CLEC4D: variants seen among roughly 807,000 people sequenced by gnomAD.
The protein encoded by CLEC4D is C-type lectin domain family 4 member D, also known as C-type (calcium dependent, carbohydrate-recognition domain) lectin, superfamily member 8.
In CLEC4D, 21 loss-of-function variants were observed where a neutral mutation model predicts 21.1. The observed-to-expected ratio is 1.00, with a 90% CI of 0.71 to 1.43. The LOEUF (loss-of-function observed/expected upper bound fraction) is 1.43. Ranked by LOEUF, CLEC4D falls within the 40% of genes most tolerant of loss-of-function variation. The pLI, the probability that CLEC4D is intolerant of heterozygous loss-of-function variation, is 0.00. For synonymous variants in CLEC4D, 85 were observed against 83.1 expected (o/e 1.02, Z -0.12); for missense variants, 289 against 260.7 (o/e 1.11, Z -0.75).
rs1215694947 is a variant in CLEC4D, at chr12:8,521,926, A to G, written c.*655A>G. On this transcript the variant is annotated 3_prime_UTR_variant, in exon 6 of 6. Coordinates refer to ENST00000299665, the MANE Select transcript of CLEC4D (RefSeq NM_080387.5). The stretch of plus-strand genomic sequence containing the variant: ...TTGCAAAGCAAGAAGTCTTTGTAAG[A>G]CACCTTAAACAAAGTCCTTCAATTC... 1 of 152,176 alleles carries G rather than the reference A, an allele frequency of 6.6e-6. No homozygotes were observed. The highest frequency in any genetic ancestry group is 2.4e-5 in the African/African-American group (1 of 41,442). 9.4% of individuals were successfully genotyped at this position (152,176 alleles called of 1,614,324 possible).
intron 2 of CLEC4D, 68 bp from the exon 3 acceptor site, chr12:8,518,096 T>C: frequency 1.5e-6 from 1 of 688,306 alleles, no homozygotes; most frequent in Admixed American, 2.6e-5. Flanking sequence ...TTTAGGAAGG[T>C]CAGCCCCTAT....
In CLEC4D at chr12:8,521,359, A is replaced by T. The variant is rs1372915715; in HGVS notation, c.*88A>T. 7 of 1,514,128 alleles carry T rather than the reference A, an allele frequency of 4.6e-6. No individual in the cohort carries two copies. In the East Asian group the frequency reaches 1.6e-4, roughly 34 times the overall value. The allele number at this position is 1,514,128 out of a possible 1,614,324, so 93.8% of individuals were successfully genotyped here. ...ATGTACGTGCGTCATTGGAACACAG[A>T]AAACATGCTGGTTCATACAGCGTTT... is the stretch of plus-strand genomic sequence containing the variant. On this transcript the variant is annotated 3_prime_UTR_variant, in exon 6 of 6. Coordinates refer to ENST00000299665, the MANE Select transcript of CLEC4D (RefSeq NM_080387.5).
At chr12:8,524,037 C>A (rs1230798299), downstream of CLEC4D, among the ~76,000 whole-genome samples, 1 of 152,140 alleles carries the variant, frequency 6.6e-6, no homozygotes, top group Non-Finnish European at 1.5e-5. Context: ...CCTTGCATCC[C>A]AGGGATGAAG....
the CLEC4D span, among the ~76,000 whole-genome samples, chr12:8,527,618 G>A: frequency 1.3e-5 from 2 of 152,216 alleles, no homozygotes; most frequent in Non-Finnish European, 2.9e-5. Context: ...AGCTTTGCAT[G>A]TTAAGCAGCT....
At chr12:8,524,459 T>A (rs1046090071), downstream of CLEC4D, among the ~76,000 whole-genome samples, 17 of 152,202 alleles carry the variant, frequency 1.1e-4, no homozygotes, top group Admixed American at 1.3e-4. Context: ...ATTTATCCAT[T>A]TCTTGTAGAT....
intron 4 of CLEC4D, 115 bp downstream of exon 4, chr12:8,519,275 GA>G: frequency 7.2e-7 from 1 of 1,381,654 alleles, no homozygotes; most frequent in Non-Finnish European, 9.4e-7. Flanking sequence ...CATCTGCCTG[GA>G]AAGCCCTTTC....
chr12:8,527,189 AG>A (rs1411098490), downstream of CLEC4D, among the ~76,000 whole-genome samples: 1 of 152,170 alleles, frequency 6.6e-6, no homozygotes, highest in Non-Finnish European at 1.5e-5. Flanking sequence ...CACAGGGAGT[AG>A]GACCTGATTA....
At chr12:8,520,171 A>G (rs1940439586) in intron 4 of CLEC4D, 55 bp from the exon 5 acceptor site, 1 of 1,594,194 alleles carries the variant, frequency 6.3e-7, no homozygotes, top group African/African-American at 1.3e-5. Flanking sequence ...TTTTTCCAAC[A>G]TCATAGCCAT....
At position 8,519,031 on chromosome 12, in the gene CLEC4D, TA is replaced by T; in HGVS notation, c.256del (p.Ile86LeufsTer34). 2 of 1,614,124 alleles carry T rather than the reference TA, an allele frequency of 1.2e-6. No homozygotes were observed. Among genetic ancestry groups the T allele is most frequent in the Non-Finnish European group, 1.7e-6 (2 of 1,179,996 alleles). The stretch of plus-strand genomic sequence containing the variant: ...GAGGGAGCACCTGGAACTGTTGTCC[TA>T]TTGACTGGAGAGCCTTCCAGTCCAA... ...AEGSTWNCCP[I>X]DWRAFQSNCY... On this transcript the variant is annotated frameshift_variant, in exon 4 of 6. Coordinates refer to ENST00000299665, the MANE Select transcript of CLEC4D (RefSeq NM_080387.5). LOFTEE classifies it high-confidence loss of function.
At chr12:8,520,490 T>C in intron 5 of CLEC4D, 149 bp downstream of exon 5, 9 of 1,335,292 alleles carry the variant, frequency 6.7e-6, no homozygotes, top group Non-Finnish European at 8.7e-6. Context: ...TATGTCCCAG[T>C]TCCAGAATGG....
intron 1 of CLEC4D, among the ~76,000 whole-genome samples, 196 bp from the exon 2 acceptor site, chr12:8,515,040 A>C (rs1179104800): frequency 6.6e-6 from 1 of 152,120 alleles, no homozygotes; most frequent in Non-Finnish European, 1.5e-5. Flanking sequence ...ATTACCAAGA[A>C]ATTTTACATT....
At chr12:8,519,774 T>C (rs1940433779) in intron 4 of CLEC4D, among the ~76,000 whole-genome samples, 2 of 152,376 alleles carry the variant, frequency 1.3e-5, no homozygotes, top group South Asian at 4.1e-4. Context: ...TTTCCATTTA[T>C]GTACCATGAC....
At chr12:8,515,458 G>T in intron 2 of CLEC4D, 130 bp downstream of exon 2, 1 of 570,480 alleles carries the variant, frequency 1.8e-6, no homozygotes, top group Non-Finnish European at 3.2e-6. Context: ...TCAGGGTCTT[G>T]CACTGAATAT....
rs749793310 is a variant in CLEC4D, at chr12:8,514,359, A to G, written c.28+599A>G. 8.1e-4 allele frequency among the ~76,000 whole-genome samples: 123 copies of G among 152,250 alleles called. 1 individual carries two copies. The highest frequency in any genetic ancestry group is 1.6e-3 in the Non-Finnish European group (107 of 67,956). On this transcript the variant is annotated intron_variant, in intron 1 of 5. Coordinates refer to ENST00000299665, the MANE Select transcript of CLEC4D (RefSeq NM_080387.5). The stretch of plus-strand genomic sequence containing the variant: ...CTGATTACATGCTTATTTAATTACT[A>G]TACAGAATATCATTGTGTGAAGGGA...
the CLEC4D span, among the ~76,000 whole-genome samples, chr12:8,527,617 T>C: frequency 5.7e-4 from 87 of 152,308 alleles, no homozygotes; most frequent in Non-Finnish European, 1.1e-3. Context: ...GAGCTTTGCA[T>C]GTTAAGCAGC....
intron 5 of CLEC4D, 145 bp from the exon 6 acceptor site, chr12:8,520,979 G>A: frequency 9.8e-7 from 1 of 1,019,414 alleles, no homozygotes; most frequent in Non-Finnish European, 1.3e-6. Context: ...TGTGTCTAGT[G>A]AGTATAGTAT....
At position 8,521,531 on chromosome 12, in the gene CLEC4D, G is replaced by T; in HGVS notation, c.*260G>T. 5.2e-6 allele frequency: 3 copies of T among 576,992 alleles called. No individual in the cohort carries two copies. Among genetic ancestry groups the T allele is most frequent in the Non-Finnish European group, 7.3e-6 (3 of 408,296 alleles). 35.7% of individuals were successfully genotyped at this position (576,992 alleles called of 1,614,324 possible). A position where few individuals can be genotyped will look rare whatever the true frequency, so the allele number is the denominator to read the frequency against. On this transcript the variant is annotated 3_prime_UTR_variant, in exon 6 of 6. Coordinates refer to ENST00000299665, the MANE Select transcript of CLEC4D (RefSeq NM_080387.5). ...CTTTGCTTTCTTAGTAGTATTTCAA[G>T]GTGTTTACTTTTCAATTGGTGTGCA...
At chr12:8,520,179 C>A in intron 4 of CLEC4D, 47 bp from the exon 5 acceptor site, 2 of 1,601,782 alleles carry the variant, frequency 1.2e-6, no homozygotes, top group Non-Finnish European at 1.7e-6. Flanking sequence ...ACATCATAGC[C>A]ATCACCTGAT....
At chr12:8,530,183 T>A in the CLEC4D span, among the ~76,000 whole-genome samples, 467 of 152,334 alleles carry the variant, frequency 3.1e-3, 4 homozygotes, top group African/African-American at 0.01. Flanking sequence ...AGGAATTTTC[T>A]GCAGGATGTC....
Sources: gnomAD v4.1 joint callset for allele counts (sites outside exome capture counted in the v4.1 genomes callset) on GRCh38, gnomAD v4.1.1 for gene constraint, MANE v1.5 for transcripts, NCBI Gene and HGNC (gene_info 2026-07-23, HGNC 2026-07-21) for gene names.